GRIK4: variants seen among roughly 807,000 people sequenced by gnomAD.
The protein encoded by GRIK4 is glutamate ionotropic receptor kainate type subunit 4.
In GRIK4, 40 loss-of-function variants were observed where a neutral mutation model predicts 104.9. That is an observed-to-expected ratio of 0.38 (90% confidence interval 0.30 to 0.50). GRIK4 has a LOEUF of 0.50. Ranked by LOEUF, GRIK4 falls within the 20% of genes least tolerant of loss-of-function variation. GRIK4 has a pLI of 0.93. For synonymous variants in GRIK4, 485 were observed against 524.9 expected, an observed-to-expected ratio of 0.92 and a Z score of 1.04; for missense variants, 1,047 against 1,308.1, an observed-to-expected ratio of 0.80 and a Z score of 3.08.
At position 120,564,037 on chromosome 11, in the gene GRIK4, G is replaced by A. The variant is rs943987142; in HGVS notation, c.-159+52150G>A. Reference sequence around the variant, plus strand: ...TGAAAGGTTAGGGGGTGGGTAGGGAGGCAGTTTATGTAGTGGGGAAGTTGG... The same window carrying A: ...TGAAAGGTTAGGGGGTGGGTAGGGAAGCAGTTTATGTAGTGGGGAAGTTGG... On this transcript the variant is annotated intron_variant, in intron 1 of 20. Transcript: ENST00000527524. Among the ~76,000 whole-genome samples the A allele has an allele frequency of 3.9e-5, 6 of 152,218 alleles. No individual in the cohort carries two copies. In the East Asian group the frequency reaches 1.2e-3, roughly 29 times the overall value.
At position 120,656,937 on chromosome 11, in the gene GRIK4, G is replaced by A. The variant is rs149950615; in HGVS notation, c.-51+3145G>A. On this transcript the variant is annotated intron_variant, in intron 2 of 20. Transcript: ENST00000527524. ...AGTTCCTCAGGCCTGCACGAACTGC[G>A]TGTAGTTCTGTCATCAAATAAAATT... Among the ~76,000 whole-genome samples, 4 of 152,182 alleles carry A rather than the reference G, an allele frequency of 2.6e-5. No homozygotes were observed. The South Asian group carries it at 6.2e-4, about 24-fold the overall frequency.
intron 3 of GRIK4, among the ~76,000 whole-genome samples, chr11:120,688,186 CAGT>C (rs989300394): frequency 2.6e-5 from 4 of 152,206 alleles, no homozygotes; most frequent in Non-Finnish European, 5.9e-5. Flanking sequence ...TTTCCCCCCT[CAGT>C]AACTGTATCC....
chr11:120,641,034 C>T (rs74772313), intron 1 of GRIK4, among the ~76,000 whole-genome samples: 1 of 152,216 alleles, frequency 6.6e-6, no homozygotes, highest in Admixed American at 6.5e-5. Flanking sequence ...ACCTTTTTAA[C>T]GATGGTGCAA....
chr11:120,935,668 G>A (rs553404951), intron 13 of GRIK4, among the ~76,000 whole-genome samples: 43 of 152,236 alleles, frequency 2.8e-4, no homozygotes, highest in African/African-American at 8.7e-4. Context: ...CTCAGTTAAC[G>A]GAACGACAGT....
intron 13 of GRIK4, among the ~76,000 whole-genome samples, chr11:120,933,076 A>G (rs543726000): frequency 8.8e-4 from 134 of 152,334 alleles, no homozygotes; most frequent in Non-Finnish European, 1.7e-3. Flanking sequence ...AGAGTTTTCC[A>G]AAGGACTGGA....
intron 1 of GRIK4, among the ~76,000 whole-genome samples, chr11:120,628,446 G>A (rs190766330): frequency 6.6e-6 from 1 of 152,214 alleles, no homozygotes; most frequent in East Asian, 1.9e-4. Context: ...GTGTTCCCTG[G>A]GCCTCCCTGA....
At chr11:120,528,947 A>G (rs1426353967) in intron 1 of GRIK4, among the ~76,000 whole-genome samples, 3 of 152,172 alleles carry the variant, frequency 2.0e-5, no homozygotes, top group Non-Finnish European at 4.4e-5. Flanking sequence ...GCATGTGCCC[A>G]TCTACAGCAC....
At chr11:120,815,878 T>C (rs1419918493) in intron 5 of GRIK4, among the ~76,000 whole-genome samples, 3 of 152,216 alleles carry the variant, frequency 2.0e-5, no homozygotes, top group Non-Finnish European at 4.4e-5. Context: ...ATATCGGGAT[T>C]CTGGGGAAGA....
At chr11:120,609,323 G>C (rs1169469188) in intron 1 of GRIK4, among the ~76,000 whole-genome samples, 1 of 150,580 alleles carries the variant, frequency 6.6e-6, no homozygotes, top group Non-Finnish European at 1.5e-5. Flanking sequence ...TTGCCGTGTT[G>C]CCCAGGGTGA....
intron 3 of GRIK4, among the ~76,000 whole-genome samples, chr11:120,785,816 G>T (rs553131914): frequency 2.0e-5 from 3 of 152,108 alleles, no homozygotes; most frequent in Non-Finnish European, 2.9e-5. Context: ...GTCTCCATGC[G>T]CATCCTCCTG....
At chr11:120,598,872 T>C (rs897618653) in intron 1 of GRIK4, among the ~76,000 whole-genome samples, 24 of 152,368 alleles carry the variant, frequency 1.6e-4, no homozygotes, top group African/African-American at 5.8e-4. Flanking sequence ...ATTTCATGTC[T>C]GTTAATGTCC....
chr11:120,622,073 G>C (rs1382299934), intron 1 of GRIK4, among the ~76,000 whole-genome samples: 1 of 152,038 alleles, frequency 6.6e-6, no homozygotes, highest in Non-Finnish European at 1.5e-5. Context: ...GTTAATTTTT[G>C]TATTTTTAGT....
chr11:120,577,708 T>G (rs1481659811), intron 1 of GRIK4, among the ~76,000 whole-genome samples: 1 of 152,184 alleles, frequency 6.6e-6, no homozygotes, highest in African/African-American at 2.4e-5. Flanking sequence ...CCTGCCCTCC[T>G]GTCTTCAGTC....
At chr11:120,646,313 A>G (rs1034554768) in intron 1 of GRIK4, among the ~76,000 whole-genome samples, 2 of 152,200 alleles carry the variant, frequency 1.3e-5, no homozygotes, top group Non-Finnish European at 1.5e-5. Context: ...GTGAATGGGG[A>G]AACTGAGGTT....
At chr11:120,585,724 TG>T (rs1459841296) in intron 1 of GRIK4, among the ~76,000 whole-genome samples, 16 of 94,712 alleles carry the variant, frequency 1.7e-4, no homozygotes, top group African/African-American at 4.1e-4. Context: ...TTTTTGTTTT[TG>T]TTTTTTTTTT....
At chr11:120,600,426 T>C (rs111986394) in intron 1 of GRIK4, among the ~76,000 whole-genome samples, 3 of 152,220 alleles carry the variant, frequency 2.0e-5, no homozygotes, top group Admixed American at 2.0e-4. Flanking sequence ...ATGGCAGCCT[T>C]TCAGAGGCAG....
intron 16 of GRIK4, among the ~76,000 whole-genome samples, chr11:120,957,621 G>GTGTGTGTGTGTGTGTGTGTGTGTGTA (rs1944190320): frequency 6.6e-6 from 1 of 150,588 alleles, no homozygotes; most frequent in South Asian, 2.1e-4. Context: ...GTGTGTGTGT[G>GTGTGTGTGTGTGTGTGTGTGTGTGTA]TGTGTAGCCT....
chr11:120,519,880 GT>G (rs11300538), intron 1 of GRIK4, among the ~76,000 whole-genome samples: 52,876 of 121,782 alleles, frequency 0.43, 10,095 homozygotes, highest in Middle Eastern at 0.52. Flanking sequence ...TTTTTTTTTT[GT>G]TTTTTTTTTT....
At chr11:120,933,821 C>T (rs1943531763) in intron 13 of GRIK4, among the ~76,000 whole-genome samples, 1 of 152,154 alleles carries the variant, frequency 6.6e-6, no homozygotes, top group Non-Finnish European at 1.5e-5. Context: ...GAGGCACTGG[C>T]AGTTCTCCTG....
Sources: gnomAD v4.1 joint callset for allele counts (sites outside exome capture counted in the v4.1 genomes callset) on GRCh38, gnomAD v4.1.1 for gene constraint, MANE v1.5 for transcripts, NCBI Gene and HGNC (gene_info 2026-07-23, HGNC 2026-07-21) for gene names.